The following NAV1 variants were observed in gnomAD, a reference collection of about 807,000 sequenced individuals.
NAV1 encodes neuron navigator 1, also known as pore membrane and/or filament interacting like protein 3.
NAV1 carries 18 observed loss-of-function variants against 175.2 expected under a neutral mutation model. That is an observed-to-expected ratio of 0.10 (90% CI 0.07 to 0.15). The LOEUF is 0.15. NAV1 is among the 10% of genes least tolerant of loss of function. The pLI, the probability that NAV1 is intolerant of heterozygous loss-of-function variation, is 1.00. For missense variants in NAV1, 1,731 were observed against 2,436.6 expected (o/e 0.71, Z 6.10); for synonymous variants, 897 against 978.7 (o/e 0.92, Z 1.56).
intron 2 of NAV1, among the ~76,000 whole-genome samples, chr1:201,609,017 CTT>C (rs1667771632): frequency 1.3e-5 from 2 of 152,230 alleles, no homozygotes; most frequent in African/African-American, 4.8e-5. Flanking sequence ...CTGGAATGAT[CTT>C]CAGTGCTGGA....
At chr1:201,579,473 A>G (rs969650456) in intron 1 of NAV1, among the ~76,000 whole-genome samples, 21 of 152,120 alleles carry the variant, frequency 1.4e-4, no homozygotes, top group Admixed American at 1.4e-3. Flanking sequence ...CTCATGCCTC[A>G]GCCTCCCGAG....
chr1:201,540,599 T>C (rs1156710155), intron 1 of NAV1, among the ~76,000 whole-genome samples: 2 of 152,238 alleles, frequency 1.3e-5, no homozygotes, highest in Non-Finnish European at 2.9e-5. Context: ...GCCAGAGATA[T>C]ATATGATTCC....
chr1:201,729,549 G>A (rs748126259), intron 3 of NAV1, among the ~76,000 whole-genome samples: 2 of 151,926 alleles, frequency 1.3e-5, no homozygotes, highest in Non-Finnish European at 1.5e-5. Flanking sequence ...GCTGAGGCAC[G>A]AGAATTGCTT....
At chr1:201,642,939 T>TTTTG (rs1337891676) in intron 2 of NAV1, among the ~76,000 whole-genome samples, 6 of 151,436 alleles carry the variant, frequency 4.0e-5, no homozygotes, top group Non-Finnish European at 8.8e-5. Context: ...CTAGCTAATT[T>TTTTG]TTTGTTTGTT....
At chr1:201,570,704 G>C (rs7555032) in intron 1 of NAV1, among the ~76,000 whole-genome samples, 29,494 of 152,230 alleles carry the variant, frequency 0.19, 3,248 homozygotes, top group African/African-American at 0.31. Context: ...CCAGCAGGCA[G>C]TCTCCCTTTT....
chr1:201,568,566 C>T (rs190763640), intron 1 of NAV1, among the ~76,000 whole-genome samples: 2 of 152,298 alleles, frequency 1.3e-5, no homozygotes, highest in East Asian at 3.9e-4. Flanking sequence ...TGCCCCCAGG[C>T]AGACGTGAGT....
At chr1:201,804,772 T>C (rs1166012444) in intron 17 of NAV1, among the ~76,000 whole-genome samples, 1 of 152,160 alleles carries the variant, frequency 6.6e-6, no homozygotes, top group African/African-American at 2.4e-5. Context: ...TCTTCCCCTG[T>C]TACAAAATTG....
chr1:201,692,589 C>T (rs1670998797), intron 1 of NAV1, among the ~76,000 whole-genome samples: 1 of 152,174 alleles, frequency 6.6e-6, no homozygotes, highest in Admixed American at 6.5e-5. Flanking sequence ...GGAGCCATTT[C>T]CCCCTGATTT....
chr1:201,611,069 G>A (rs557605943), intron 2 of NAV1, among the ~76,000 whole-genome samples: 1 of 152,274 alleles, frequency 6.6e-6, no homozygotes, highest in African/African-American at 2.4e-5. Flanking sequence ...CACCCCCTCT[G>A]CTAACAAGTC....
At chr1:201,823,678 T>C (rs1679517139) in exon 30 of NAV1, 1 of 152,212 alleles carries the variant, frequency 6.6e-6, no homozygotes, top group African/African-American at 2.4e-5. Flanking sequence ...CCAACTGATC[T>C]ATCCATATTC....
At chr1:201,757,053 G>A (rs1421776871) in intron 3 of NAV1, among the ~76,000 whole-genome samples, 2 of 151,902 alleles carry the variant, frequency 1.3e-5, no homozygotes, top group East Asian at 1.9e-4. Flanking sequence ...GGACCTATGC[G>A]GCACTTATGG....
chr1:201,776,964 A>G (rs150971774), intron 3 of NAV1, among the ~76,000 whole-genome samples: 434 of 152,316 alleles, frequency 2.8e-3, no homozygotes, highest in African/African-American at 0.01. Context: ...AACAGGTCAC[A>G]TACAAGGACA....
At chr1:201,739,908 G>T in intron 3 of NAV1, 2 of 1,299,150 alleles carry the variant, frequency 1.5e-6, no homozygotes, top group South Asian at 5.0e-5. Flanking sequence ...TTAGGTTTCC[G>T]ACCCTCCGCG....
intron 1 of NAV1, among the ~76,000 whole-genome samples, chr1:201,661,269 C>T (rs148827720): frequency 2.8e-4 from 43 of 152,324 alleles, no homozygotes; most frequent in Admixed American, 8.5e-4. Flanking sequence ...GGAATCGGTT[C>T]TCTCTTGCCC....
At chr1:201,628,115 A>G (rs1475895885) in intron 1 of NAV1, among the ~76,000 whole-genome samples, 2 of 146,392 alleles carry the variant, frequency 1.4e-5, no homozygotes, top group Non-Finnish European at 3.0e-5. Flanking sequence ...CTCCAGCCTG[A>G]GTGACACAGT....
chr1:201,641,286 G>A (rs1668745653), intron 2 of NAV1, among the ~76,000 whole-genome samples: 1 of 152,100 alleles, frequency 6.6e-6, no homozygotes, highest in Non-Finnish European at 1.5e-5. Flanking sequence ...CACAGTCACC[G>A]CCCAGTTCCA....
At chr1:201,685,503 A>T (rs941414163) in intron 1 of NAV1, among the ~76,000 whole-genome samples, 1 of 152,072 alleles carries the variant, frequency 6.6e-6, no homozygotes, top group Non-Finnish European at 1.5e-5. Flanking sequence ...GGTGTCCATT[A>T]CCCCATGTTT....
intron 1 of NAV1, among the ~76,000 whole-genome samples, chr1:201,656,304 G>C (rs1334902500): frequency 6.6e-6 from 1 of 152,232 alleles, no homozygotes; most frequent in Non-Finnish European, 1.5e-5. Context: ...TTTCTCCTGT[G>C]AGTTAGAGGT....
chr1:201,729,438 C>G (rs965068264), intron 3 of NAV1, among the ~76,000 whole-genome samples: 1 of 151,750 alleles, frequency 6.6e-6, no homozygotes, highest in South Asian at 2.1e-4. Context: ...GTCGGGAGTT[C>G]GAGACCAGCC....
Sources: allele counts gnomAD v4.1 joint callset (sites outside exome capture counted in the v4.1 genomes callset), GRCh38; gene constraint gnomAD v4.1.1; transcripts MANE v1.5; gene names NCBI Gene and HGNC (gene_info 2026-07-23, HGNC 2026-07-21).